EMCN: variants seen among roughly 807,000 people sequenced by gnomAD.
EMCN encodes MUC-14.
Under a neutral mutation model 38.4 loss-of-function variants are expected in EMCN, and 37 were observed. The ratio of observed to expected loss-of-function variants is 0.96; its 90% CI spans 0.74 to 1.27. EMCN has a LOEUF of 1.27. Ranked by LOEUF, EMCN falls within the 50% of genes most tolerant of loss-of-function variation. The pLI is 0.00. For missense variants in EMCN, 318 were observed against 302.8 expected, an observed-to-expected ratio of 1.05 and a Z score of -0.37; for synonymous variants, 95 against 100.8, an observed-to-expected ratio of 0.94 and a Z score of 0.35.
intron 5 of EMCN, among the ~76,000 whole-genome samples, chr4:100,431,224 G>A (rs1727189516): frequency 1.3e-5 from 2 of 152,098 alleles, no homozygotes; most frequent in South Asian, 2.1e-4. Flanking sequence ...CACAGTTAAG[G>A]AAAGTAAAAA....
At chr4:100,475,172 AAAGT>A (rs1242899585) in intron 2 of EMCN, 63 bp from the exon 3 acceptor site, 13 of 843,182 alleles carry the variant, frequency 1.5e-5, no homozygotes, top group East Asian at 1.2e-4. Context: ...GTCAATAAAT[AAAGT>A]AAGTTAAATC....
At chr4:100,476,513 G>A (rs1049102717) in intron 2 of EMCN, among the ~76,000 whole-genome samples, 6 of 152,028 alleles carry the variant, frequency 3.9e-5, no homozygotes, top group Admixed American at 3.3e-4. Context: ...GGCATATTGT[G>A]TGATTAGGGC....
At chr4:100,458,704 A>G (rs1021795176) in intron 4 of EMCN, among the ~76,000 whole-genome samples, 9 of 152,190 alleles carry the variant, frequency 5.9e-5, no homozygotes, top group African/African-American at 1.9e-4. Flanking sequence ...TATTCCAACA[A>G]CAAACATACT....
intron 3 of EMCN, among the ~76,000 whole-genome samples, chr4:100,469,034 A>T (rs1728400418): frequency 6.6e-6 from 1 of 152,144 alleles, no homozygotes; most frequent in Non-Finnish European, 1.5e-5. Flanking sequence ...ATGAAAACAG[A>T]CACATAGACC....
chr4:100,461,513 T>A (rs1197876645), intron 4 of EMCN, among the ~76,000 whole-genome samples: 1 of 152,162 alleles, frequency 6.6e-6, no homozygotes, highest in Non-Finnish European at 1.5e-5. Flanking sequence ...AATAAGATAA[T>A]TTTTAATTCA....
intron 4 of EMCN, among the ~76,000 whole-genome samples, chr4:100,448,169 C>T (rs1727732003): frequency 1.3e-5 from 2 of 151,918 alleles, no homozygotes; most frequent in African/African-American, 4.8e-5. Context: ...ATGATATAGT[C>T]CAGGAGAGCT....
chr4:100,455,029 G>A (rs901780084), intron 4 of EMCN, among the ~76,000 whole-genome samples: 21 of 151,992 alleles, frequency 1.4e-4, no homozygotes, highest in East Asian at 9.6e-4. Flanking sequence ...TGTTTAAGCC[G>A]TTTTATTTTA....
chr4:100,402,714 AG>A (rs1177019206), intron 11 of EMCN, among the ~76,000 whole-genome samples: 4 of 152,210 alleles, frequency 2.6e-5, no homozygotes, highest in Non-Finnish European at 5.9e-5. Flanking sequence ...TATTTTTTAA[AG>A]TACAGAAATG....
At chr4:100,398,505 C>G (rs1560599284) in intron 11 of EMCN, 132 bp from the exon 12 acceptor site, 1 of 152,072 alleles carries the variant, frequency 6.6e-6, no homozygotes, top group Non-Finnish European at 1.5e-5. Context: ...TTTTTTCCAC[C>G]TAGTAGAATC....
rs531207797 is a variant in EMCN, at chr4:100,455,676, A to G, written c.377-8105T>C. On this transcript the variant is annotated intron_variant, in intron 4 of 11. Coordinates refer to ENST00000296420, the MANE Select transcript of EMCN (RefSeq NM_016242.4). ...ATTTTCTCTTTATCTCCGGTTTTCC[A>G]TGATTTGATTATGATGTGCTTTGGT... 6.6e-4 allele frequency among the ~76,000 whole-genome samples: 100 copies of G among 151,822 alleles called. No individual in the cohort carries two copies. In the South Asian group the frequency reaches 0.019, roughly 29 times the overall value.
In EMCN at chr4:100,438,887, G is replaced by C. The variant is rs1727428654; in HGVS notation, c.415+8646C>G. The stretch of plus-strand genomic sequence containing the variant: ...TTCTGTTAATGTCATATATTACTTT[G>C]ATTGATTTGTATATGTTAAACTAGC... On this transcript the variant is annotated intron_variant, in intron 5 of 11. Coordinates refer to ENST00000296420, the MANE Select transcript of EMCN (RefSeq NM_016242.4). 2.6e-5 allele frequency among the ~76,000 whole-genome samples: 4 copies of C among 151,736 alleles called. No homozygotes were observed. The South Asian group carries it at 8.3e-4, about 31-fold the overall frequency.
intron 4 of EMCN, among the ~76,000 whole-genome samples, chr4:100,463,648 G>A (rs1352023805): frequency 6.6e-6 from 1 of 152,030 alleles, no homozygotes; most frequent in Non-Finnish European, 1.5e-5. Context: ...CTTATTTAGA[G>A]TCAATCCCCA....
At position 100,422,877 on chromosome 4, in the gene EMCN, A is replaced by G. The variant is rs1228747347; in HGVS notation, c.568+144T>C. ...CTTGTGGGAAATTTTCAGAGCAGGC[A>G]GCAGTTAGATGGGATTGTAATGGGA... On this transcript the variant is annotated intron_variant, in intron 7 of 11. Coordinates refer to ENST00000296420, the MANE Select transcript of EMCN (RefSeq NM_016242.4). 8 of 565,644 alleles carry G rather than the reference A, an allele frequency of 1.4e-5. No homozygotes were observed. In the East Asian group the frequency reaches 2.2e-4, roughly 15 times the overall value. 35.0% of individuals were successfully genotyped at this position (565,644 alleles called of 1,614,324 possible). A position where few individuals can be genotyped will look rare whatever the true frequency, so the allele number is the denominator to read the frequency against.
At chr4:100,411,456 G>T (rs1368522) in intron 10 of EMCN, among the ~76,000 whole-genome samples, 137,305 of 152,216 alleles carry the variant, frequency 0.9, 61,948 homozygotes, top group South Asian at 0.96. Flanking sequence ...TTTACAATTC[G>T]TAATATTCTT....
At chr4:100,497,079 G>T (rs1373545238) in intron 1 of EMCN, among the ~76,000 whole-genome samples, 4 of 151,508 alleles carry the variant, frequency 2.6e-5, no homozygotes, top group African/African-American at 9.7e-5. Flanking sequence ...TTGCTTTAGG[G>T]ACTGATAATA....
intron 10 of EMCN, among the ~76,000 whole-genome samples, chr4:100,414,964 C>T (rs1352514781): frequency 1.3e-5 from 2 of 152,114 alleles, no homozygotes; most frequent in African/African-American, 4.8e-5. Flanking sequence ...AGTGCCGTGG[C>T]ACGATCTTGC....
In EMCN at chr4:100,426,852, A is replaced by T. The variant is rs1181756796; in HGVS notation, c.416-3448T>A. Among the ~76,000 whole-genome samples, 4 of 152,128 alleles carry T rather than the reference A, an allele frequency of 2.6e-5. No individual in the cohort carries two copies. The East Asian group carries it at 7.7e-4, about 29-fold the overall frequency. ...AATCCAACTTCAGAGTCACTGTATG[A>T]CTAAAGTTCTCTCCTAAGAATTTGA... On this transcript the variant is annotated intron_variant, in intron 5 of 11. Transcript: ENST00000296420.
At chr4:100,459,407 G>GT (rs1011184941) in intron 4 of EMCN, among the ~76,000 whole-genome samples, 8 of 152,018 alleles carry the variant, frequency 5.3e-5, no homozygotes, top group Non-Finnish European at 8.8e-5. Flanking sequence ...ATACTTATTA[G>GT]TTTTTTTGTG....
At chr4:100,423,177 A>G in intron 6 of EMCN, 97 bp from the exon 7 acceptor site, 1 of 1,377,874 alleles carries the variant, frequency 7.3e-7, no homozygotes, top group East Asian at 2.3e-5. Flanking sequence ...CATGATTTGT[A>G]GGTATGATGC....
Sources: allele counts gnomAD v4.1 joint callset (sites outside exome capture counted in the v4.1 genomes callset), GRCh38; gene constraint gnomAD v4.1.1; transcripts MANE v1.5; gene names NCBI Gene and HGNC (gene_info 2026-07-23, HGNC 2026-07-21).